The following MAP4K5 variants were observed in gnomAD, a reference collection of about 807,000 sequenced individuals.
The protein encoded by MAP4K5 is MAPK/ERK kinase kinase kinase 5.
In MAP4K5, 82 loss-of-function variants were observed where a neutral mutation model predicts 135.6. The observed-to-expected ratio is 0.60, with a 90% CI of 0.51 to 0.73. The LOEUF (loss-of-function observed/expected upper bound fraction) is 0.73, where lower values mean the gene tolerates loss of function less well. MAP4K5 is among the 30% of genes least tolerant of loss of function. The pLI is 0.00. For synonymous variants in MAP4K5, 347 were observed against 335.0 expected, an observed-to-expected ratio of 1.04 and a Z score of -0.39; for missense variants, 907 against 1,010.9, an observed-to-expected ratio of 0.90 and a Z score of 1.39.
chr14:50,450,439 CT>C (rs1344638829), intron 14 of MAP4K5: 12 of 152,274 alleles, frequency 7.9e-5, no homozygotes, highest in African/African-American at 2.9e-4. Context: ...TTTACCCTGA[CT>C]TTCTGCCTGG....
intron 2 of MAP4K5, among the ~76,000 whole-genome samples, chr14:50,514,451 G>T (rs4366637): frequency 0.99 from 151,408 of 152,342 alleles, 75,251 homozygotes; most frequent in Middle Eastern, 1. Context: ...TGCCAGGTAC[G>T]GTGTTAATAC....
chr14:50,559,024 G>A (rs1027546753), intron 1 of MAP4K5: 1 of 152,200 alleles, frequency 6.6e-6, no homozygotes, highest in African/African-American at 2.4e-5. Flanking sequence ...GGAAAACAAC[G>A]TGAGGATAAC....
chr14:50,521,876 C>G (rs1179094280), intron 2 of MAP4K5, among the ~76,000 whole-genome samples: 4 of 152,156 alleles, frequency 2.6e-5, no homozygotes, highest in African/African-American at 9.7e-5. Flanking sequence ...AAAGCAATAG[C>G]CTTCTAATAA....
At chr14:50,560,474 C>G in intron 1 of MAP4K5, 3 of 826,788 alleles carry the variant, frequency 3.6e-6, no homozygotes, top group South Asian at 1.7e-5. Context: ...CCGAGCGGTA[C>G]CCGCGTCACC....
Position 50,510,702 on chromosome 14 carries a change from C to T in MAP4K5, c.109-5845G>A, listed in dbSNP as rs78947821. On this transcript the variant is annotated intron_variant, in intron 2 of 32. Coordinates refer to ENST00000682126, the MANE Select transcript of MAP4K5 (RefSeq NM_006575.6). ...GAAAATTATTTGAAAAAAATTACTA[C>T]AAAAGTAAGATTTTGTGGTAGAAAA... Among the ~76,000 whole-genome samples, 996 of 152,128 alleles carry T rather than the reference C, an allele frequency of 6.5e-3. 52 individuals carry two copies. The East Asian group carries it at 0.14, about 21-fold the overall frequency.
chr14:50,484,146 A>C (rs1371046323), intron 5 of MAP4K5, among the ~76,000 whole-genome samples: 1 of 152,168 alleles, frequency 6.6e-6, no homozygotes, highest in Non-Finnish European at 1.5e-5. Context: ...AATTCTTTAT[A>C]AAATCATAGA....
chr14:50,502,806 C>T (rs2037734650), intron 3 of MAP4K5, among the ~76,000 whole-genome samples: 1 of 152,078 alleles, frequency 6.6e-6, no homozygotes, highest in Admixed American at 6.6e-5. Context: ...AACCAAGGCA[C>T]TTCAAATCTG....
intron 3 of MAP4K5, among the ~76,000 whole-genome samples, chr14:50,488,608 G>T (rs2037418402): frequency 1.3e-5 from 2 of 152,118 alleles, no homozygotes; most frequent in Admixed American, 1.3e-4. Flanking sequence ...AATATTACTA[G>T]TAACAAACTA....
At chr14:50,446,180 G>A (rs1020038538) in intron 16 of MAP4K5, 59 bp from the exon 17 acceptor site, 40 of 1,013,272 alleles carry the variant, frequency 3.9e-5, no homozygotes, top group Non-Finnish European at 5.3e-5. Context: ...CGAAAACACA[G>A]ATACTATTAA....
chr14:50,545,734 G>C (rs764557490), intron 1 of MAP4K5, among the ~76,000 whole-genome samples: 4 of 152,170 alleles, frequency 2.6e-5, no homozygotes, highest in South Asian at 2.1e-4. Context: ...TGGTGGAGAA[G>C]GTAGATAAAA....
rs572169646 is a variant in MAP4K5, at chr14:50,451,955, CA to C, written c.1016-3124del. Among the ~76,000 whole-genome samples the C allele has an allele frequency of 2.0e-3, 300 of 152,204 alleles. 1 individual carries two copies. The highest frequency in any genetic ancestry group is 6.7e-3 in the African/African-American group (280 of 41,528). On this transcript the variant is annotated intron_variant, in intron 14 of 32. Transcript: ENST00000682126. Reference sequence around the variant, plus strand: ...CAAGTTTTCTGACTTTCTCGTGGTACAAAAGTGATATGCATTCAGTAGAAAC... The same window carrying C: ...CAAGTTTTCTGACTTTCTCGTGGTACAAAGTGATATGCATTCAGTAGAAAC...
intron 2 of MAP4K5, among the ~76,000 whole-genome samples, chr14:50,530,667 A>G (rs7145414): frequency 0.015 from 2,269 of 152,342 alleles, 44 homozygotes; most frequent in African/African-American, 0.052. Flanking sequence ...ATACACTTTG[A>G]GTTCAAAGGT....
intron 9 of MAP4K5, among the ~76,000 whole-genome samples, chr14:50,474,169 G>A (rs1219670624): frequency 1.3e-5 from 2 of 152,104 alleles, no homozygotes; most frequent in Non-Finnish European, 2.9e-5. Context: ...TTGGGAGGTA[G>A]ATCACTTGAG....
intron 20 of MAP4K5, 83 bp downstream of exon 20, chr14:50,443,646 G>T: frequency 1.8e-6 from 2 of 1,125,162 alleles, no homozygotes; most frequent in South Asian, 1.9e-5. Context: ...ACTTTCAAAG[G>T]CTCAAGTATA....
At chr14:50,463,944 C>T (rs1200959765) in intron 12 of MAP4K5, 108 bp downstream of exon 12, 2 of 393,588 alleles carry the variant, frequency 5.1e-6, no homozygotes, top group African/African-American at 2.4e-5. Flanking sequence ...CTGACCCCTG[C>T]TGTAAGAGAT....
intron 5 of MAP4K5, among the ~76,000 whole-genome samples, chr14:50,484,094 T>C (rs1448945446): frequency 6.6e-6 from 1 of 151,938 alleles, no homozygotes; most frequent in Admixed American, 6.6e-5. Flanking sequence ...CTCCCGACCT[T>C]GGCCTCCCAA....
At chr14:50,549,792 A>G (rs115900617) in intron 1 of MAP4K5, among the ~76,000 whole-genome samples, 1 of 152,210 alleles carries the variant, frequency 6.6e-6, no homozygotes, top group East Asian at 1.9e-4. Flanking sequence ...TAAAAACCCA[A>G]TTACATGCAC....
chr14:50,560,165 CCAGCGCGGG>C, intron 1 of MAP4K5: 1 of 1,431,810 alleles, frequency 7.0e-7, no homozygotes, highest in South Asian at 1.2e-5. Flanking sequence ...CGAACTGCGC[CCAGCGCGGG>C]CACGGAGCCT....
chr14:50,427,204 T>C (rs111259093), intron 30 of MAP4K5, among the ~76,000 whole-genome samples: 4 of 152,268 alleles, frequency 2.6e-5, no homozygotes, highest in East Asian at 1.9e-4. Flanking sequence ...CGAAGATAAT[T>C]TGGCACATCT....
Sources: allele counts gnomAD v4.1 joint callset (sites outside exome capture counted in the v4.1 genomes callset), GRCh38; gene constraint gnomAD v4.1.1; transcripts MANE v1.5; gene names NCBI Gene and HGNC (gene_info 2026-07-23, HGNC 2026-07-21).